The following ATP11A variants were observed in gnomAD, a reference collection of about 807,000 sequenced individuals.
ATP11A encodes ATPase phospholipid transporting 11A.
In ATP11A, 81 loss-of-function variants were observed where a neutral mutation model predicts 154.4. The observed-to-expected ratio is 0.52, with a 90% CI of 0.44 to 0.63. ATP11A has a LOEUF of 0.63. ATP11A is among the 30% of genes least tolerant of loss of function. The pLI is 0.00. For synonymous variants in ATP11A, 623 were observed against 585.9 expected (o/e 1.06, Z -0.91); for missense variants, 1,316 against 1,474.3 (o/e 0.89, Z 1.76).
intron 1 of ATP11A, among the ~76,000 whole-genome samples, chr13:112,769,605 A>G (rs1244775617): frequency 1.3e-5 from 2 of 152,150 alleles, no homozygotes; most frequent in Non-Finnish European, 2.9e-5. Context: ...GAACCTCGAC[A>G]CCACCCTGGT....
intron 1 of ATP11A, among the ~76,000 whole-genome samples, chr13:112,714,291 G>T (rs574657508): frequency 6.6e-6 from 1 of 151,924 alleles, no homozygotes; most frequent in Non-Finnish European, 1.5e-5. Context: ...TCCCGCTGCC[G>T]CTCCAGCTGT....
In ATP11A at chr13:112,697,934, AC is replaced by A. The variant is rs1886073912; in HGVS notation, c.39+7480del. 6.6e-6 allele frequency among the ~76,000 whole-genome samples: 1 copy of A among 152,080 alleles called. No individual in the cohort carries two copies. Among genetic ancestry groups the A allele is most frequent in the Non-Finnish European group, 1.5e-5 (1 of 68,002 alleles). On this transcript the variant is annotated intron_variant, in intron 1 of 29. Transcript: ENST00000375645. The surrounding 1 kb of genome is among the most constrained non-coding windows in gnomAD (Gnocchi z 4.0). ...AAGAACTAGACTCTGATCCCTGGAA[AC>A]AACATGCCAACCTCTGGCATGCAGG...
At position 112,717,024 on chromosome 13, in the gene ATP11A, T is replaced by C. The variant is rs1028358346; in HGVS notation, c.39+26569T>C. On this transcript the variant is annotated intron_variant, in intron 1 of 29. Transcript: ENST00000375645. ...CTGCAGGGCCCATAGAGGCTGTTGT[T>C]GGCCCTGGTGATGAGTGGGGGACAC... Among the ~76,000 whole-genome samples, 14 of 152,260 alleles carry C rather than the reference T, an allele frequency of 9.2e-5. No individual in the cohort carries two copies. The East Asian group carries it at 2.7e-3, about 29-fold the overall frequency.
Position 112,878,584 on chromosome 13 carries a change from C to T in ATP11A, c.*9+281C>T, listed in dbSNP as rs751672092. On this transcript the variant is annotated intron_variant, in intron 29 of 29. Coordinates refer to ENST00000375645, the MANE Select transcript of ATP11A (RefSeq NM_015205.3). ...GTGAGGGTTCAGACACAGCTGACAGCGGAGAGCTGGCCACATGACCCCTCA... is the reference window on the plus strand; with the variant it reads ...GTGAGGGTTCAGACACAGCTGACAGTGGAGAGCTGGCCACATGACCCCTCA... 8 of 512,380 alleles carry T rather than the reference C, an allele frequency of 1.6e-5. No homozygotes were observed. The East Asian group carries it at 2.0e-4, about 13-fold the overall frequency. The allele number at this position is 512,380 out of a possible 1,614,324, so 31.7% of individuals were successfully genotyped here.
chr13:112,860,179 G>A lies in ATP11A; in HGVS notation c.2728-108G>A, dbSNP rs115758761. On this transcript the variant is annotated intron_variant, in intron 23 of 29. Transcript: ENST00000375645. ...TTTATATTGTTAAGCTTTGAAAAGC[G>A]CTCTGGTCTTTCTATGCATTTCAGA... is the stretch of plus-strand genomic sequence containing the variant. 1.4e-3 allele frequency: 1,760 copies of A among 1,283,152 alleles called. 12 individuals are homozygous for A. The African/African-American group carries it at 0.021, about 15-fold the overall frequency. The allele number at this position is 1,283,152 out of a possible 1,614,324, so 79.5% of individuals were successfully genotyped here.
chr13:112,744,095 G>T lies in ATP11A; in HGVS notation c.40-41040G>T, dbSNP rs558532807. 2.0e-5 allele frequency among the ~76,000 whole-genome samples: 3 copies of T among 152,326 alleles called. No individual in the cohort carries two copies. In the East Asian group the frequency reaches 5.8e-4, roughly 29 times the overall value. On this transcript the variant is annotated intron_variant, in intron 1 of 29. Transcript: ENST00000375645. ...TGAGTGGGCCACTTGCCTCTTTCACGTAAGGAAGGCTTCCTCTTCACGCAT... is the reference window on the plus strand; with the variant it reads ...TGAGTGGGCCACTTGCCTCTTTCACTTAAGGAAGGCTTCCTCTTCACGCAT...
At chr13:112,702,345 CAAAAAA>C (rs35687422) in intron 1 of ATP11A, among the ~76,000 whole-genome samples, 9 of 121,764 alleles carry the variant, frequency 7.4e-5, no homozygotes, top group Non-Finnish European at 1.3e-4. Context: ...GATTCTGTCT[CAAAAAA>C]AAAAAAAAAA....
At chr13:112,695,768 C>T (rs1376972817) in intron 1 of ATP11A, among the ~76,000 whole-genome samples, 1 of 152,182 alleles carries the variant, frequency 6.6e-6, no homozygotes, top group African/African-American at 2.4e-5. Context: ...AAATTGTTCT[C>T]TGGTGCTTGG....
chr13:112,876,830 C>T (rs1015945298), intron 28 of ATP11A, among the ~76,000 whole-genome samples: 8 of 152,038 alleles, frequency 5.3e-5, no homozygotes, highest in Admixed American at 2.0e-4. Flanking sequence ...CTCAGACACC[C>T]GGGGGCTGGC....
At chr13:112,770,928 T>G (rs951539032) in intron 1 of ATP11A, among the ~76,000 whole-genome samples, 3 of 152,212 alleles carry the variant, frequency 2.0e-5, no homozygotes, top group African/African-American at 7.2e-5. Context: ...CCTGTACATT[T>G]GAATACCGGC....
chr13:112,763,726 C>T (rs879296191), intron 1 of ATP11A, among the ~76,000 whole-genome samples: 2 of 152,168 alleles, frequency 1.3e-5, no homozygotes, highest in Admixed American at 6.5e-5. Flanking sequence ...CTCTTCGTGC[C>T]GAGCTTCACT....
chr13:112,851,261 A>T, intron 18 of ATP11A, 43 bp downstream of exon 18: 1 of 1,585,214 alleles, frequency 6.3e-7, no homozygotes, highest in Non-Finnish European at 8.6e-7. Flanking sequence ...ACAAACTGGG[A>T]TGCAGGCCGA....
chr13:112,776,453 A>C (rs282591), intron 1 of ATP11A, among the ~76,000 whole-genome samples: 3 of 151,994 alleles, frequency 2.0e-5, no homozygotes, highest in African/African-American at 7.3e-5. Context: ...GCAGGTGTCT[A>C]TGCTGCGTGA....
chr13:112,839,911 A>G (rs2079347392), intron 16 of ATP11A, among the ~76,000 whole-genome samples: 1 of 152,166 alleles, frequency 6.6e-6, no homozygotes, highest in Non-Finnish European at 1.5e-5. Context: ...CTCATTCTGA[A>G]CTGTATCTGA....
At chr13:112,721,687 T>TCTCCTCCA (rs2139636626) in intron 1 of ATP11A, among the ~76,000 whole-genome samples, 1 of 152,300 alleles carries the variant, frequency 6.6e-6, no homozygotes, top group East Asian at 1.9e-4. Context: ...TGGTGCTCCC[T>TCTCCTCCA]CTCCTCCACG....
At chr13:112,726,877 G>A (rs1049793586) in intron 1 of ATP11A, among the ~76,000 whole-genome samples, 9 of 152,178 alleles carry the variant, frequency 5.9e-5, no homozygotes, top group African/African-American at 1.9e-4. Context: ...ATAAATAATT[G>A]TAAAGACATC....
At chr13:112,855,465 A>G (rs910735448) in intron 19 of ATP11A, among the ~76,000 whole-genome samples, 5 of 152,212 alleles carry the variant, frequency 3.3e-5, no homozygotes, top group Non-Finnish European at 2.9e-5. Context: ...GGTGTGAGCC[A>G]CCGCATCCAG....
chr13:112,881,844 A>G (rs1315362002), intron 29 of ATP11A, 32 bp from the exon 30 acceptor site: 1 of 1,367,372 alleles, frequency 7.3e-7, no homozygotes, highest in African/African-American at 1.5e-5. Flanking sequence ...CGGGACCGCG[A>G]CTCAGAATTC....
chr13:112,788,528 C>CG (rs1421135396), intron 2 of ATP11A, among the ~76,000 whole-genome samples: 57 of 147,872 alleles, frequency 3.9e-4, no homozygotes, highest in African/African-American at 1.4e-3. Flanking sequence ...TAATTCACAC[C>CG]GGTGTCCTGA....
Sources: gnomAD v4.1 joint callset for allele counts (sites outside exome capture counted in the v4.1 genomes callset) on GRCh38, gnomAD v4.1.1 for gene constraint, Gnocchi (gnomAD v3.1) non-coding constraint, MANE v1.5 for transcripts, NCBI Gene and HGNC (gene_info 2026-07-23, HGNC 2026-07-21) for gene names.